PUS3: variants seen among roughly 807,000 people sequenced by gnomAD.
The protein encoded by PUS3 is pseudouridine synthase 3.
A neutral mutation model predicts 43.3 loss-of-function variants in PUS3; 36 were observed. That is an observed-to-expected ratio of 0.83 (90% CI 0.64 to 1.10). The LOEUF (loss-of-function observed/expected upper bound fraction) is 1.10. Among genes scored for constraint, PUS3 ranks in the 50% least tolerant of loss-of-function variants. The pLI, the probability that PUS3 is intolerant of heterozygous loss-of-function variation, is 0.00. For synonymous variants in PUS3, 183 were observed against 199.2 expected, an observed-to-expected ratio of 0.92 and a Z score of 0.69; for missense variants, 544 against 589.9, an observed-to-expected ratio of 0.92 and a Z score of 0.81.
intron 1 of PUS3, chr11:125,899,755 G>C: frequency 1.2e-6 from 2 of 1,614,120 alleles, no homozygotes. Context: ...AGGATCTCTG[G>C]GACTTAAGAC....
intron 3 of PUS3, 69 bp downstream of exon 3, chr11:125,895,155 T>C (rs1944540184): frequency 3.1e-6 from 4 of 1,307,656 alleles, no homozygotes; most frequent in Admixed American, 2.5e-5. Context: ...CAAGCAATTC[T>C]TGTGCCTCAA....
chr11:125,895,400 C>T lies in PUS3; in HGVS notation c.768G>A (p.Gly256=). Residue 256 remains glycine, a synonymous_variant, in exon 3 of 4, where the codon GGG becomes GGA. Coordinates refer to ENST00000227474, the MANE Select transcript of PUS3 (RefSeq NM_031307.4). ...ATAACTGGAAAGGTTCTTGCCATCTCCCCTCACCTGGGCTCTGGCCCACTA... is the reference window on the plus strand; with the variant it reads ...ATAACTGGAAAGGTTCTTGCCATCTTCCCTCACCTGGGCTCTGGCCCACTA... ...VQLVGQSPGE[G]RWQEPFQLCQ... 1.2e-6 allele frequency: 2 copies of T among 1,614,134 alleles called. No individual in the cohort carries two copies. The highest frequency in any genetic ancestry group is 1.7e-6 in the Non-Finnish European group (2 of 1,179,998).
chr11:125,899,693 G>C, intron 1 of PUS3: 1 of 1,614,230 alleles, frequency 6.2e-7, no homozygotes, highest in Non-Finnish European at 8.5e-7. Flanking sequence ...GGAAGTATTA[G>C]TAACAGATGA....
chr11:125,899,554 T>A, intron 1 of PUS3: 1 of 1,614,150 alleles, frequency 6.2e-7, no homozygotes, highest in South Asian at 1.1e-5. Flanking sequence ...GGAAGCGACC[T>A]GCTCTTCCTG....
chr11:125,901,042 C>T (rs1944759484), intron 1 of PUS3, among the ~76,000 whole-genome samples: 1 of 151,210 alleles, frequency 6.6e-6, no homozygotes, highest in African/African-American at 2.4e-5. Flanking sequence ...GAACAAAAAC[C>T]TGCCTTTTAC....
intron 1 of PUS3, among the ~76,000 whole-genome samples, chr11:125,901,178 G>T (rs1239109614): frequency 6.6e-6 from 1 of 152,050 alleles, no homozygotes; most frequent in East Asian, 1.9e-4. Context: ...ATAACATACA[G>T]GATTCAAACT....
intron 1 of PUS3, among the ~76,000 whole-genome samples, chr11:125,902,039 A>T (rs949361654): frequency 6.6e-6 from 1 of 152,212 alleles, no homozygotes; most frequent in Non-Finnish European, 1.5e-5. Context: ...CAAAGTCTCC[A>T]AAGTTCAACT....
rs138948231 is a variant in PUS3 at position 125,896,031 on chromosome 11, G to C, written c.254C>G (p.Thr85Arg). 1.2e-6 allele frequency: 2 copies of C among 1,614,044 alleles called. No individual in the cohort carries two copies. The highest frequency in any genetic ancestry group is 2.7e-5 in the African/African-American group (2 of 74,910). The change falls in exon 2 of 4, where the codon ACA becomes AGA. Residue 85 changes from threonine to arginine, a missense_variant. By Grantham distance (71) the Thr-to-Arg change is moderately conservative. Transcript: ENST00000227474. The stretch of plus-strand genomic sequence containing the variant: ...CAGTTTCTCTTCAATGGTATTATTT[G>C]TGTTTTCCTGACTAGCAAAGCCCTG... Reference protein sequence around the residue: ...GYQGFASQENTNNTIEEKLFE... With the variant: ...GYQGFASQENRNNTIEEKLFE...
chr11:125,896,346 A>G lies in PUS3; in HGVS notation c.-46-16T>C. ...TCTGCCCTGTCTGAAAAGAGAGCAA[A>G]GGGATACAACAGTTTCAATGCTAGT... On this transcript the variant is annotated splice_polypyrimidine_tract_variant and intron_variant, in intron 1 of 3. Transcript: ENST00000227474. 6.8e-7 allele frequency: 1 copy of G among 1,468,028 alleles called. No homozygotes were observed. Among genetic ancestry groups the G allele is most frequent in the Non-Finnish European group, 9.3e-7 (1 of 1,075,952 alleles). The allele number at this position is 1,468,028 out of a possible 1,614,324, so 90.9% of individuals were successfully genotyped here.
At chr11:125,895,089 C>G (rs936912726) in intron 3 of PUS3, 135 bp downstream of exon 3, 36 of 557,198 alleles carry the variant, frequency 6.5e-5, no homozygotes, top group Middle Eastern at 9.7e-4. Context: ...CTCTGTCACC[C>G]ATGCTGGAAT....
rs777837630 is a variant in PUS3, at chr11:125,900,318, A to G, written c.-47+2852T>C. On this transcript the variant is annotated intron_variant, in intron 1 of 3. Transcript: ENST00000227474. The stretch of plus-strand genomic sequence containing the variant: ...ATTGTTTGAGATAACCTAGCTCTTT[A>G]TATCTTCCCTTTTAAATAGAAACAA... The G allele has an allele frequency of 1.7e-4, 269 of 1,546,524 alleles. 2 individuals carry two copies. The highest frequency in any genetic ancestry group is 3.0e-5 in the Non-Finnish European group (34 of 1,119,956).
Position 125,893,728 on chromosome 11 carries a change from T to A in PUS3, c.*57A>T. ...ACTTGCAAGTAAATTTTTTTTTTTT[T>A]CCTTTTCTGTCCACCTACCATTAGG... is the stretch of plus-strand genomic sequence containing the variant. On this transcript the variant is annotated 3_prime_UTR_variant, in exon 4 of 4. Transcript: ENST00000227474. 7.1e-7 allele frequency: 1 copy of A among 1,400,992 alleles called. No individual in the cohort carries two copies. 86.8% of individuals were successfully genotyped at this position (1,400,992 alleles called of 1,614,324 possible). A position where few individuals can be genotyped will look rare whatever the true frequency, so the allele number is the denominator to read the frequency against.
intron 1 of PUS3, among the ~76,000 whole-genome samples, chr11:125,897,187 G>A (rs573585538): frequency 3.9e-5 from 6 of 152,108 alleles, no homozygotes; most frequent in Non-Finnish European, 8.8e-5. Context: ...CTGTTCTAAG[G>A]CCATGTTATC....
chr11:125,901,581 G>A (rs1234916156), intron 1 of PUS3, among the ~76,000 whole-genome samples: 2 of 152,126 alleles, frequency 1.3e-5, no homozygotes, highest in African/African-American at 4.8e-5. Context: ...GACCTTGACC[G>A]TTACTATCTG....
intron 1 of PUS3, chr11:125,900,019 T>G (rs1179210038): frequency 1.2e-6 from 2 of 1,614,084 alleles, no homozygotes; most frequent in African/African-American, 1.3e-5. Context: ...CCCGGTATTT[T>G]GAGTACAAAC....
chr11:125,897,905 G>A (rs1038987273), intron 1 of PUS3, among the ~76,000 whole-genome samples: 2 of 152,108 alleles, frequency 1.3e-5, no homozygotes, highest in Non-Finnish European at 2.9e-5. Flanking sequence ...CAAGATACTC[G>A]TGTTAGCATC....
intron 1 of PUS3, among the ~76,000 whole-genome samples, chr11:125,897,582 C>T (rs1298921783): frequency 6.8e-6 from 1 of 146,878 alleles, no homozygotes; most frequent in Admixed American, 6.8e-5. Flanking sequence ...GCATTTCAAA[C>T]AAAAAGAAAA....
chr11:125,902,312 G>A (rs760160318), intron 1 of PUS3, among the ~76,000 whole-genome samples: 4 of 151,072 alleles, frequency 2.6e-5, no homozygotes, highest in Admixed American at 6.6e-5. Flanking sequence ...TCCATACATT[G>A]GGCCAGGCGC....
intron 1 of PUS3, among the ~76,000 whole-genome samples, chr11:125,898,694 G>T (rs545451236): frequency 1.3e-5 from 2 of 151,946 alleles, no homozygotes; most frequent in South Asian, 4.2e-4. Context: ...AATTATTAAA[G>T]CATAGAAATT....
Sources: gnomAD v4.1 joint callset for allele counts (sites outside exome capture counted in the v4.1 genomes callset) on GRCh38, gnomAD v4.1.1 for gene constraint, MANE v1.5 for transcripts, NCBI Gene and HGNC (gene_info 2026-07-23, HGNC 2026-07-21) for gene names.